The following LAMP3 variants were observed in gnomAD, a reference collection of about 807,000 sequenced individuals.
LAMP3 encodes lysosome-associated membrane glycoprotein 3.
LAMP3 carries 26 observed loss-of-function variants against 34.8 expected under a neutral mutation model. The ratio of observed to expected loss-of-function variants is 0.75; its 90% CI spans 0.55 to 1.04. The LOEUF is 1.04. LAMP3 is among the 50% of genes least tolerant of loss of function. The probability of loss-of-function intolerance (pLI) is 0.00; values close to 1 mark genes in which losing one functional copy is unlikely to be tolerated. For synonymous variants in LAMP3, 180 were observed against 201.9 expected (o/e 0.89, Z 0.92); for missense variants, 495 against 524.0 (o/e 0.94, Z 0.54).
intron 5 of LAMP3, among the ~76,000 whole-genome samples, chr3:183,130,978 C>T (rs1413425639): frequency 6.6e-6 from 1 of 152,154 alleles, no homozygotes; most frequent in Non-Finnish European, 1.5e-5. Context: ...GCCCCCTCTG[C>T]TCTCCACCTG....
Position 183,162,663 on chromosome 3 carries a change from G to C in LAMP3, c.-8C>G, listed in dbSNP as rs1721014162. On this transcript the variant is annotated 5_prime_UTR_variant, in exon 1 of 6. Coordinates refer to ENST00000265598, the MANE Select transcript of LAMP3 (RefSeq NM_014398.4). ...GCTGAGCTGCCGGGGCATGGTGGGC[G>C]CTGGGCGAGGTTCTGCAGCGTGCGG... 1 of 1,535,750 alleles carries C rather than the reference G, an allele frequency of 6.5e-7. No individual in the cohort carries two copies. The highest frequency in any genetic ancestry group is 1.4e-5 in the African/African-American group (1 of 72,630).
chr3:183,162,025 C>G, intron 1 of LAMP3: 1 of 979,968 alleles, frequency 1.0e-6, no homozygotes, highest in Non-Finnish European at 1.2e-6. Context: ...TCTCTCATGA[C>G]GTTCGAGTAA....
At chr3:183,144,192 T>C (rs1180087335) in intron 3 of LAMP3, among the ~76,000 whole-genome samples, 1 of 152,230 alleles carries the variant, frequency 6.6e-6, no homozygotes, top group Non-Finnish European at 1.5e-5. Context: ...TGTGATCTAC[T>C]TTTTGGCACT....
chr3:183,147,428 CTT>C (rs150609059), intron 3 of LAMP3, among the ~76,000 whole-genome samples: 14,306 of 152,120 alleles, frequency 0.094, 719 homozygotes, highest in Admixed American at 0.12. Context: ...CTGTCCCTCC[CTT>C]TTGTCTCCCA....
chr3:183,138,114 C>T (rs1282411604), intron 4 of LAMP3, among the ~76,000 whole-genome samples: 6 of 152,226 alleles, frequency 3.9e-5, no homozygotes, highest in African/African-American at 7.2e-5. Context: ...TGAACCACTG[C>T]ACCCGGACTC....
At chr3:183,157,241 T>C (rs1028378188) in intron 1 of LAMP3, among the ~76,000 whole-genome samples, 2 of 152,226 alleles carry the variant, frequency 1.3e-5, no homozygotes, top group East Asian at 3.8e-4. Flanking sequence ...GTCTTTTTTT[T>C]AAATCGAAAA....
chr3:183,127,067 A>T (rs886383452), intron 5 of LAMP3, among the ~76,000 whole-genome samples: 1 of 152,234 alleles, frequency 6.6e-6, no homozygotes, highest in Non-Finnish European at 1.5e-5. Flanking sequence ...CAGTTTAAAC[A>T]TTATCTATTG....
intron 5 of LAMP3, among the ~76,000 whole-genome samples, chr3:183,126,926 T>C (rs1002074076): frequency 1.3e-5 from 2 of 152,206 alleles, no homozygotes; most frequent in Non-Finnish European, 2.9e-5. Flanking sequence ...TTCTTTGTCA[T>C]GGGAAATATT....
intron 5 of LAMP3, chr3:183,132,124 GGCAGACAA>G: frequency 3.0e-6 from 3 of 985,246 alleles, no homozygotes; most frequent in Non-Finnish European, 3.6e-6. Flanking sequence ...TAGCTAAGAA[GGCAGACAA>G]CACATGAAAT....
rs748418817 is a variant in LAMP3, at chr3:183,135,858, C to T, written c.976G>A (p.Val326Met). The change falls in exon 5 of 6, where the codon GTG (valine) becomes ATG (methionine). Residue 326 changes from valine (V) to methionine (M), a missense_variant. By Grantham distance (21) the Val-to-Met change is conservative. Coordinates refer to ENST00000265598, the MANE Select transcript of LAMP3 (RefSeq NM_014398.4). ...CCGACTGCTGTCTGGAACATCACCA[C>T]CGCATGTTTGATTCCTTGGTAAATT... ...ETIYQGIKHA[V>M]VMFQTAVGHS... The T allele has an allele frequency of 3.0e-5, 48 of 1,613,880 alleles. No individual in the cohort carries two copies. The highest frequency in any genetic ancestry group is 4.0e-5 in the Non-Finnish European group (47 of 1,179,854).
intron 2 of LAMP3, 37 bp downstream of exon 2, chr3:183,153,645 T>C: frequency 2.8e-6 from 4 of 1,418,170 alleles, no homozygotes; most frequent in Non-Finnish European, 3.8e-6. Context: ...CTCAGACTTT[T>C]TGAAGATAGT....
chr3:183,162,678 G>A lies in LAMP3; in HGVS notation c.-23C>T. Reference sequence around the variant, plus strand: ...CATGGTGGGCGCTGGGCGAGGTTCTGCAGCGTGCGGCGAAGTCCGGGCAGG... The same window carrying A: ...CATGGTGGGCGCTGGGCGAGGTTCTACAGCGTGCGGCGAAGTCCGGGCAGG... On this transcript the variant is annotated 5_prime_UTR_variant, in exon 1 of 6. Coordinates refer to ENST00000265598, the MANE Select transcript of LAMP3 (RefSeq NM_014398.4). 1 of 1,513,478 alleles carries A rather than the reference G, an allele frequency of 6.6e-7. No individual in the cohort carries two copies. The highest frequency in any genetic ancestry group is 8.8e-7 in the Non-Finnish European group (1 of 1,135,856). 93.8% of individuals were successfully genotyped at this position (1,513,478 alleles called of 1,614,324 possible).
At chr3:183,142,074 AT>A (rs1720300760) in intron 3 of LAMP3, among the ~76,000 whole-genome samples, 1 of 152,042 alleles carries the variant, frequency 6.6e-6, no homozygotes, top group African/African-American at 2.4e-5. Flanking sequence ...TAGACAATCC[AT>A]TTGCTTTAGG....
At chr3:183,132,731 G>T (rs533432829) in intron 5 of LAMP3, 108 of 985,438 alleles carry the variant, frequency 1.1e-4, no homozygotes, top group Non-Finnish European at 1.2e-4. Flanking sequence ...CAGGCAACGA[G>T]ACAGGTCAAT....
intron 3 of LAMP3, among the ~76,000 whole-genome samples, chr3:183,147,212 C>T (rs993229640): frequency 2.0e-5 from 3 of 151,176 alleles, no homozygotes; most frequent in African/African-American, 7.3e-5. Context: ...CACTGCACTC[C>T]AGCCTGGGCA....
At chr3:183,138,337 A>G (rs1335448446) in intron 4 of LAMP3, among the ~76,000 whole-genome samples, 1 of 152,174 alleles carries the variant, frequency 6.6e-6, no homozygotes, top group Non-Finnish European at 1.5e-5. Flanking sequence ...CCCTGAACAT[A>G]TCACTACAAT....
chr3:183,150,754 G>A (rs591614), intron 3 of LAMP3, among the ~76,000 whole-genome samples: 132,808 of 151,388 alleles, frequency 0.88, 58,359 homozygotes, highest in Middle Eastern at 0.92. Context: ...TAAAGACAGG[G>A]TCTTGCTATA....
At chr3:183,149,610 TACACACACAC>T (rs568430015) in intron 3 of LAMP3, among the ~76,000 whole-genome samples, 1 of 127,170 alleles carries the variant, frequency 7.9e-6, no homozygotes, top group East Asian at 2.3e-4. Flanking sequence ...TATATATGTA[TACACACACAC>T]ACACACACAC....
At chr3:183,136,966 C>A (rs1720117469) in intron 4 of LAMP3, among the ~76,000 whole-genome samples, 1 of 151,928 alleles carries the variant, frequency 6.6e-6, no homozygotes, top group African/African-American at 2.4e-5. Flanking sequence ...TATGATCATG[C>A]CACCACACTC....
Sources: allele counts gnomAD v4.1 joint callset (sites outside exome capture counted in the v4.1 genomes callset), GRCh38; gene constraint gnomAD v4.1.1; transcripts MANE v1.5; gene names NCBI Gene and HGNC (gene_info 2026-07-23, HGNC 2026-07-21).